CACNA1A: variants seen among roughly 807,000 people sequenced by gnomAD.
CACNA1A encodes the protein calcium voltage-gated channel subunit alpha1 A, also known as voltage-dependent P/Q-type calcium channel subunit alpha-1A.
In CACNA1A, 57 loss-of-function variants were observed where a neutral mutation model predicts 262.4. The ratio of observed to expected loss-of-function variants is 0.22; its 90% CI spans 0.18 to 0.27. CACNA1A has a LOEUF of 0.27. Among genes scored for constraint, CACNA1A ranks in the 10% least tolerant of loss-of-function variants. The pLI is 1.00. For missense variants in CACNA1A, 2,526 were observed against 3,562.8 expected (o/e 0.71, Z 7.41); for synonymous variants, 1,431 against 1,419.3 (o/e 1.01, Z -0.18).
chr19:13,212,179 G>C lies in CACNA1A; in HGVS notation c.6227C>G (p.Ser2076Cys). 1 of 1,613,934 alleles carries C rather than the reference G, an allele frequency of 6.2e-7. No individual in the cohort carries two copies. The highest frequency in any genetic ancestry group is 8.5e-7 in the Non-Finnish European group (1 of 1,179,812). Residue 2076 changes from serine to cysteine, a missense_variant, in exon 43 of 47, where the codon TCC becomes TGC. Physicochemically the swap from Ser to Cys is moderately radical, Grantham distance 112 (BLOSUM62 -1). Transcript: ENST00000360228. This position sits in a 1 kb window ranked among gnomAD's most constrained non-coding sequence, Gnocchi z 5.6. ...CATGGGGAGGTAGTGCTCGCTGTCG[G>C]AGTAGCCATCTCTGCCCATCTCTCG... ...EMREMGRDGYSDSEHYLPMEG... is the reference protein window; with the variant it reads ...EMREMGRDGYCDSEHYLPMEG...
intron 34 of CACNA1A, among the ~76,000 whole-genome samples, chr19:13,233,063 A>C (rs1022075335): frequency 7.9e-5 from 12 of 151,816 alleles, no homozygotes; most frequent in Non-Finnish European, 1.2e-4. Flanking sequence ...TTAAAAAAAA[A>C]AAAAAGCTCC....
chr19:13,323,620 G>C (rs972355283), intron 10 of CACNA1A, among the ~76,000 whole-genome samples: 1 of 152,036 alleles, frequency 6.6e-6, no homozygotes, highest in Non-Finnish European at 1.5e-5. Flanking sequence ...TAATTGGGTT[G>C]TTTTCTTGCT....
Position 13,335,849 on chromosome 19 carries a change from C to T in CACNA1A, c.1039G>A (p.Gly347Ser), listed in dbSNP as rs977960069. Residue 347 changes from glycine (G) to serine (S), a missense_variant, in exon 7 of 47, where the codon GGC (glycine) becomes AGC (serine). Gly to Ser is a moderately conservative substitution (Grantham distance 56). This residue lies in a region of CACNA1A where 5 missense variants were observed against 52.7 expected (regional missense o/e 0.09). Transcript: ENST00000360228. ...WLYFIPLIII[G>S]SFFMLNLVLG... The stretch of plus-strand genomic sequence containing the variant: ...ACAAGGTTCAGCATAAAAAAGGAGC[C>T]GATGATGATGAGGGGGATGAAGTAC... 1 of 1,610,978 alleles carries T rather than the reference C, an allele frequency of 6.2e-7. No homozygotes were observed. Among genetic ancestry groups the T allele is most frequent in the Non-Finnish European group, 8.5e-7 (1 of 1,178,646 alleles).
chr19:13,440,789 G>A (rs550681697), intron 3 of CACNA1A, among the ~76,000 whole-genome samples: 110 of 152,258 alleles, frequency 7.2e-4, no homozygotes, highest in African/African-American at 2.5e-3. Context: ...ACTCCATAAG[G>A]TGGTAGTATT....
intron 10 of CACNA1A, among the ~76,000 whole-genome samples, chr19:13,328,311 C>G (rs1233214089): frequency 2.0e-5 from 3 of 152,136 alleles, no homozygotes; most frequent in Non-Finnish European, 4.4e-5. Flanking sequence ...CATTTGCTTA[C>G]AGGAAATTAA....
At chr19:13,226,270 GCGGC>G (rs2055442947) in intron 37 of CACNA1A, 1 of 82,092 alleles carries the variant, frequency 1.2e-5, no homozygotes. Context: ...GGGGGGGGGG[GCGGC>G]AGGGAGGGGC....
At position 13,212,473 on chromosome 19, in the gene CACNA1A, G is replaced by T; in HGVS notation, c.6100C>A (p.Arg2034Ser). The T allele has an allele frequency of 1.2e-6, 2 of 1,600,310 alleles. No homozygotes were observed. Among genetic ancestry groups the T allele is most frequent in the Admixed American group, 1.7e-5 (1 of 57,160 alleles). The change falls in exon 42 of 47, where the codon CGT becomes AGT. Residue 2034 changes from arginine (R) to serine (S), a missense_variant. By Grantham distance (110) the Arg-to-Ser change is moderately radical (BLOSUM62 -1). Transcript: ENST00000360228. This position sits in a 1 kb window ranked among gnomAD's most constrained non-coding sequence, Gnocchi z 5.6. ...LKESPSWVTQ[R>S]AQEMFQKTGT... ...GTCTTCTGGAACATCTCCTGGGCAC[G>T]CTGGGTCACCCAGGACGGGCTCTCC...
In CACNA1A at chr19:13,210,816, A is replaced by G. The variant is rs1600085406; in HGVS notation, c.6304-164T>C. 9.0e-6 allele frequency: 7 copies of G among 780,514 alleles called. No individual in the cohort carries two copies. In the South Asian group the frequency reaches 1.1e-4, roughly 12 times the overall value. 48.3% of individuals were successfully genotyped at this position (780,514 alleles called of 1,614,324 possible). ...GGAGGGAGAAGGCAGGGAGGAAAAG[A>G]AAAGTTAAAGTCCTGGCGGGTGGGT... is the stretch of plus-strand genomic sequence containing the variant. On this transcript the variant is annotated intron_variant, in intron 43 of 46. Transcript: ENST00000360228.
At chr19:13,405,412 C>T (rs534512566) in intron 3 of CACNA1A, among the ~76,000 whole-genome samples, 397 of 151,920 alleles carry the variant, frequency 2.6e-3, no homozygotes, top group Non-Finnish European at 4.0e-3. Context: ...CCCTATGTTA[C>T]CCAGGCTGGC....
At chr19:13,249,654 C>T (rs2056344481) in intron 30 of CACNA1A, among the ~76,000 whole-genome samples, 1 of 151,966 alleles carries the variant, frequency 6.6e-6, no homozygotes, top group Admixed American at 6.6e-5. Context: ...CGTGCCTGGC[C>T]CCTAGCATTT....
intron 1 of CACNA1A, among the ~76,000 whole-genome samples, chr19:13,485,782 C>A (rs939012140): frequency 6.6e-6 from 1 of 152,164 alleles, no homozygotes; most frequent in Non-Finnish European, 1.5e-5. Context: ...TAAATTAGCA[C>A]AAGCACTTTG....
chr19:13,395,816 G>A (rs899184533), intron 3 of CACNA1A, among the ~76,000 whole-genome samples: 1 of 151,178 alleles, frequency 6.6e-6, no homozygotes, highest in East Asian at 2.0e-4. Context: ...AGAGACCAAG[G>A]AGAACCAAGA....
intron 20 of CACNA1A, 99 bp downstream of exon 20, chr19:13,286,404 C>T (rs1568494680): frequency 7.3e-6 from 4 of 545,358 alleles, no homozygotes; most frequent in Non-Finnish European, 1.3e-5. Context: ...GAGACTGAGG[C>T]CAGAGAGATG....
At chr19:13,229,959 T>A in intron 36 of CACNA1A, 123 bp downstream of exon 36, 1 of 1,096,314 alleles carries the variant, frequency 9.1e-7, no homozygotes, top group Non-Finnish European at 1.3e-6. Context: ...TGACTGAACC[T>A]GTGAGACCCC....
At chr19:13,403,487 T>C (rs1301031407) in intron 3 of CACNA1A, among the ~76,000 whole-genome samples, 1 of 152,140 alleles carries the variant, frequency 6.6e-6, no homozygotes, top group African/African-American at 2.4e-5. Flanking sequence ...CACTGCTTTG[T>C]CTAGGCCCAC....
At chr19:13,294,214 A>C (rs1199969370) in intron 19 of CACNA1A, among the ~76,000 whole-genome samples, 5 of 149,782 alleles carry the variant, frequency 3.3e-5, no homozygotes, top group South Asian at 2.2e-4. Context: ...AAAAAAAAAA[A>C]AAAAACAAAC....
intron 1 of CACNA1A, among the ~76,000 whole-genome samples, chr19:13,482,267 C>T (rs1200047554): frequency 6.6e-6 from 1 of 151,934 alleles, no homozygotes; most frequent in African/African-American, 2.4e-5. Context: ...GGGCGGATCA[C>T]GAGGTCAGGA....
chr19:13,212,406 G>C lies in CACNA1A; in HGVS notation c.6167C>G (p.Pro2056Arg). 1 of 1,613,584 alleles carries C rather than the reference G, an allele frequency of 6.2e-7. No individual in the cohort carries two copies. The highest frequency in any genetic ancestry group is 1.3e-5 in the African/African-American group (1 of 75,000). Reference protein sequence around the residue: ...SPEQGPPTDMPNSQPNSQSVE... With the variant: ...SPEQGPPTDMRNSQPNSQSVE... The stretch of plus-strand genomic sequence containing the variant: ...CACCTGAGAGTTAGGCTGGCTGTTG[G>C]GCATGTCGGTAGGGGGGCCTTGTTC... Residue 2056 changes from proline (P) to arginine (R), a missense_variant, in exon 42 of 47, where the codon CCC becomes CGC. Physicochemically the swap from Pro to Arg is moderately radical, Grantham distance 103 (BLOSUM62 -2). This residue lies in a region of CACNA1A where 929 missense variants were observed against 868.1 expected (regional missense o/e 1.07). Transcript: ENST00000360228. This position sits in a 1 kb window ranked among gnomAD's most constrained non-coding sequence, Gnocchi z 5.6.
At chr19:13,464,543 A>ATTGTTTTTTTTTTTTTTTTTT (rs1170388497) in intron 1 of CACNA1A, among the ~76,000 whole-genome samples, 2 of 128,960 alleles carry the variant, frequency 1.6e-5, no homozygotes, top group East Asian at 2.3e-4. Flanking sequence ...AACTTTTCCA[A>ATTGTTTTTTTTTTTTTTTTTT]TTTTTTTTTT....
Sources: allele counts gnomAD v4.1 joint callset (sites outside exome capture counted in the v4.1 genomes callset), GRCh38; gene constraint gnomAD v4.1.1; regional missense constraint gnomAD v4.1.1; non-coding constraint Gnocchi (gnomAD v3.1); transcripts MANE v1.5; gene names NCBI Gene and HGNC (gene_info 2026-07-23, HGNC 2026-07-21).